Variants in MYRIP observed in about 807,000 individuals in gnomAD.
MYRIP encodes myosin VIIA and Rab interacting protein.
MYRIP carries 49 observed loss-of-function variants against 98.0 expected under a neutral mutation model. The ratio of observed to expected loss-of-function variants is 0.50; its 90% CI spans 0.40 to 0.63. The LOEUF is 0.63. Ranked by LOEUF, MYRIP falls within the 30% of genes least tolerant of loss-of-function variation. The pLI, the probability that MYRIP is intolerant of heterozygous loss-of-function variation, is 0.00. For synonymous variants in MYRIP, 404 were observed against 409.5 expected (o/e 0.99, Z 0.16); for missense variants, 1,004 against 1,058.2 (o/e 0.95, Z 0.71).
intron 1 of MYRIP, among the ~76,000 whole-genome samples, chr3:39,881,896 T>G (rs2125645665): frequency 6.6e-6 from 1 of 152,282 alleles, no homozygotes; most frequent in Middle Eastern, 3.4e-3. Context: ...CTTCTTCTTG[T>G]CTTTTTTTCT....
intron 11 of MYRIP, among the ~76,000 whole-genome samples, chr3:40,211,987 A>T (rs1951944083): frequency 6.6e-6 from 1 of 151,720 alleles, no homozygotes; most frequent in African/African-American, 2.4e-5. Context: ...CGAATGTGTC[A>T]GCTTTTCAAA....
At chr3:40,077,294 G>T (rs1381141858) in intron 3 of MYRIP, among the ~76,000 whole-genome samples, 1 of 152,140 alleles carries the variant, frequency 6.6e-6, no homozygotes, top group East Asian at 1.9e-4. Flanking sequence ...AGTTGCCACT[G>T]CTGGCTCGGG....
intron 3 of MYRIP, among the ~76,000 whole-genome samples, chr3:40,113,344 C>T (rs778199817): frequency 6.6e-6 from 1 of 152,100 alleles, no homozygotes; most frequent in Non-Finnish European, 1.5e-5. Flanking sequence ...GGGGTTTTAC[C>T]GTGTTGGCCA....
intron 1 of MYRIP, among the ~76,000 whole-genome samples, chr3:39,839,560 T>C (rs1267257155): frequency 6.6e-6 from 1 of 152,178 alleles, no homozygotes; most frequent in Non-Finnish European, 1.5e-5. Context: ...GCCTGCCCTC[T>C]AGTTCTTTTA....
At chr3:39,978,822 G>GT (rs771609813) in intron 2 of MYRIP, among the ~76,000 whole-genome samples, 173 of 134,928 alleles carry the variant, frequency 1.3e-3, no homozygotes, top group Non-Finnish European at 1.3e-3. Flanking sequence ...ACTGGACTTT[G>GT]TTTTTTTTTT....
chr3:40,044,167 C>T lies in MYRIP; in HGVS notation c.228C>T (p.Asn76=), dbSNP rs186271570. The T allele has an allele frequency of 7.2e-4, 1,160 of 1,614,152 alleles. 9 individuals carry two copies. In the East Asian group the frequency reaches 0.017, roughly 24 times the overall value. The change falls in exon 3 of 17, where the codon AAC becomes AAT. Residue 76 remains asparagine (N), a synonymous_variant. Transcript: ENST00000302541. ...RCCSPFTFLV[N]TKRQCGDCKF... is the part of the protein sequence containing the mutation. ...GCTCGCCCTTCACCTTCCTCGTCAA[C>T]ACCAAGCGCCAGTGTGGAGATTGCA... is the stretch of plus-strand genomic sequence containing the variant.
chr3:40,166,838 C>A lies in MYRIP; in HGVS notation c.551-8C>A. ...TTAGAAATGCTCTTTGTTCTGTTTC[C>A]TGTCTAGGACATAGTGTGATGGACA... On this transcript the variant is annotated splice_polypyrimidine_tract_variant and splice_region_variant and intron_variant, in intron 5 of 16. Coordinates refer to ENST00000302541, the MANE Select transcript of MYRIP (RefSeq NM_015460.4). 1.3e-6 allele frequency: 2 copies of A among 1,584,462 alleles called. No homozygotes were observed. Among genetic ancestry groups the A allele is most frequent in the Non-Finnish European group, 1.7e-6 (2 of 1,153,670 alleles).
At position 39,874,425 on chromosome 3, in the gene MYRIP, CA is replaced by C. The variant is rs1241632410; in HGVS notation, c.-30-26359del. ...GGCATCCCTGTCTTCTGCCAGTTTT[CA>C]AAGGGAATGCTTCCAGTTTTTGCCC... On this transcript the variant is annotated intron_variant, in intron 1 of 16. Transcript: ENST00000302541. Among the ~76,000 whole-genome samples, 16 of 152,150 alleles carry C rather than the reference CA, an allele frequency of 1.1e-4. 1 individual carries two copies. In the East Asian group the frequency reaches 3.1e-3, roughly 29 times the overall value.
intron 2 of MYRIP, among the ~76,000 whole-genome samples, chr3:40,012,204 G>A (rs182699585): frequency 1.3e-4 from 20 of 152,294 alleles, no homozygotes; most frequent in Admixed American, 7.2e-4. Flanking sequence ...TCAATCAAGT[G>A]TAGATGACAA....
chr3:40,252,030 G>T, intron 16 of MYRIP, 31 bp downstream of exon 16: 1 of 1,499,474 alleles, frequency 6.7e-7, no homozygotes, highest in Non-Finnish European at 9.3e-7. Context: ...AATGTTCAAC[G>T]CTTTCACTGT....
At chr3:40,083,204 C>T (rs1210863573) in intron 3 of MYRIP, among the ~76,000 whole-genome samples, 2 of 152,162 alleles carry the variant, frequency 1.3e-5, no homozygotes. Flanking sequence ...AAGGAACAAA[C>T]AGATTATTGT....
chr3:39,998,914 C>T (rs754047669), intron 2 of MYRIP, among the ~76,000 whole-genome samples: 12 of 152,174 alleles, frequency 7.9e-5, no homozygotes, highest in Non-Finnish European at 1.6e-4. Context: ...CCTGACAAAA[C>T]AAGCAATGGG....
chr3:39,972,766 T>A (rs1945622003), intron 2 of MYRIP, among the ~76,000 whole-genome samples: 1 of 150,108 alleles, frequency 6.7e-6, no homozygotes, highest in Non-Finnish European at 1.5e-5. Flanking sequence ...CCCTTTCAAT[T>A]TTTTTCTTCT....
chr3:40,138,274 C>A (rs1435173626), intron 3 of MYRIP, among the ~76,000 whole-genome samples: 3 of 152,150 alleles, frequency 2.0e-5, no homozygotes, highest in Non-Finnish European at 4.4e-5. Context: ...CTGGCACCCC[C>A]AGTGAGTACC....
At chr3:40,018,302 C>T (rs1393510618) in intron 2 of MYRIP, among the ~76,000 whole-genome samples, 1 of 152,132 alleles carries the variant, frequency 6.6e-6, no homozygotes, top group Non-Finnish European at 1.5e-5. Flanking sequence ...GTTTCAGCTC[C>T]CACTTTTACA....
chr3:39,932,246 T>C (rs1378646839), intron 2 of MYRIP, among the ~76,000 whole-genome samples: 1 of 152,204 alleles, frequency 6.6e-6, no homozygotes, highest in African/African-American at 2.4e-5. Context: ...AGTAGGATCC[T>C]GTATAAGGAG....
chr3:40,177,820 G>A (rs185679065), intron 8 of MYRIP, among the ~76,000 whole-genome samples: 10 of 152,286 alleles, frequency 6.6e-5, no homozygotes, highest in Non-Finnish European at 8.8e-5. Flanking sequence ...CACTTACTGT[G>A]TGCCCAGTGA....
intron 3 of MYRIP, among the ~76,000 whole-genome samples, chr3:40,105,031 G>A (rs752703553): frequency 2.9e-4 from 44 of 151,792 alleles, no homozygotes; most frequent in Admixed American, 7.9e-4. Context: ...CTCTATGTAG[G>A]TGCAGGATGT....
chr3:40,063,968 T>C (rs995112607), intron 3 of MYRIP, among the ~76,000 whole-genome samples: 2 of 151,976 alleles, frequency 1.3e-5, no homozygotes, highest in African/African-American at 4.8e-5. Flanking sequence ...TGGACTTCCA[T>C]GAGAAGAGTG....
Sources: allele counts gnomAD v4.1 joint callset (sites outside exome capture counted in the v4.1 genomes callset), GRCh38; gene constraint gnomAD v4.1.1; transcripts MANE v1.5; gene names NCBI Gene and HGNC (gene_info 2026-07-23, HGNC 2026-07-21).